The following GNG2 variants were observed in gnomAD, a reference collection of about 807,000 sequenced individuals.
GNG2 encodes the protein G protein subunit gamma 2.
Under a neutral mutation model 5.5 loss-of-function variants are expected in GNG2, and 5 were observed. The ratio of observed to expected loss-of-function variants is 0.91; its 90% confidence interval spans 0.48 to 1.92. The LOEUF is 1.92. GNG2 is among the 30% of genes most tolerant of loss of function. The pLI, the probability that GNG2 is intolerant of heterozygous loss-of-function variation, is 0.01. For missense variants in GNG2, 55 were observed against 88.4 expected (o/e 0.62, Z 1.52); for synonymous variants, 28 against 32.0 (o/e 0.88, Z 0.42).
intron 2 of GNG2, chr14:51,841,668 G>A (rs1881486979): frequency 4.7e-6 from 3 of 633,150 alleles, no homozygotes; most frequent in South Asian, 3.5e-5. Context: ...GAAAAGGGAA[G>A]GGTAGGATGG....
chr14:51,882,179 A>G (rs948996979), intron 2 of GNG2, among the ~76,000 whole-genome samples: 1 of 152,198 alleles, frequency 6.6e-6, no homozygotes, highest in African/African-American at 2.4e-5. Context: ...ATATCTTGGA[A>G]CTAGTTAGCA....
chr14:51,879,870 C>T lies in GNG2; in HGVS notation c.-30+2213C>T, dbSNP rs537853642. On this transcript the variant is annotated intron_variant, in intron 2 of 3. Coordinates refer to ENST00000556766, the MANE Select transcript of GNG2 (RefSeq NM_053064.5). ...CTGTAAGGTTATGTATTTACAGGTT[C>T]CTGGGATTAGGACTGAACATATTTG... is the stretch of plus-strand genomic sequence containing the variant. Among the ~76,000 whole-genome samples the T allele has an allele frequency of 2.7e-3, 407 of 152,284 alleles. 1 individual carries two copies. Among genetic ancestry groups the T allele is most frequent in the Non-Finnish European group, 4.1e-3 (279 of 68,018 alleles).
At chr14:51,901,453 C>A (rs1204515811) in intron 2 of GNG2, among the ~76,000 whole-genome samples, 1 of 152,030 alleles carries the variant, frequency 6.6e-6, no homozygotes, top group Non-Finnish European at 1.5e-5. Flanking sequence ...CTAGGCCTCC[C>A]AAAGTGCTGA....
intron 2 of GNG2, among the ~76,000 whole-genome samples, chr14:51,841,090 A>G (rs1389441333): frequency 1.3e-5 from 2 of 152,246 alleles, no homozygotes; most frequent in South Asian, 2.1e-4. Context: ...CAGTTTAGCA[A>G]GTAAGAAGAT....
chr14:51,940,099 C>T (rs1337474147), intron 2 of GNG2: 1 of 152,234 alleles, frequency 6.6e-6, no homozygotes, highest in Non-Finnish European at 1.5e-5. Context: ...AGTGTGAGTT[C>T]CTGGTCCTCC....
chr14:51,887,300 A>G (rs1212321285), intron 2 of GNG2, among the ~76,000 whole-genome samples: 2 of 152,186 alleles, frequency 1.3e-5, no homozygotes, highest in South Asian at 2.1e-4. Context: ...GGAAATGACT[A>G]TTATCCCAAA....
chr14:51,884,443 G>A (rs151269750), intron 2 of GNG2, among the ~76,000 whole-genome samples: 163 of 152,332 alleles, frequency 1.1e-3, no homozygotes, highest in Non-Finnish European at 7.1e-4. Context: ...CGCAGGAACT[G>A]TTTATTTTAC....
chr14:51,910,039 G>T (rs1312231113), intron 2 of GNG2, among the ~76,000 whole-genome samples: 2 of 152,210 alleles, frequency 1.3e-5, no homozygotes, highest in African/African-American at 4.8e-5. Context: ...CCAGCGTGGG[G>T]CGGAAGCTAT....
At chr14:51,942,456 A>G (rs1012806547) in intron 2 of GNG2, among the ~76,000 whole-genome samples, 47 of 152,118 alleles carry the variant, frequency 3.1e-4, no homozygotes, top group African/African-American at 1.0e-3. Flanking sequence ...CAAAAGCCTC[A>G]TAAGAGGCAG....
chr14:51,885,962 G>A (rs1225745933), intron 2 of GNG2, among the ~76,000 whole-genome samples: 1 of 152,130 alleles, frequency 6.6e-6, no homozygotes, highest in Non-Finnish European at 1.5e-5. Context: ...CACTTTTATA[G>A]CATTTTTCAC....
At chr14:51,858,576 C>T (rs1300909440), upstream of GNG2, among the ~76,000 whole-genome samples, 1 of 152,198 alleles carries the variant, frequency 6.6e-6, no homozygotes, top group African/African-American at 2.4e-5. Flanking sequence ...CAAAAAATTA[C>T]TGTACTTGAA....
intron 2 of GNG2, among the ~76,000 whole-genome samples, chr14:51,937,525 A>G (rs1356649017): frequency 1.3e-5 from 2 of 152,202 alleles, no homozygotes; most frequent in African/African-American, 4.8e-5. Context: ...TGGGTTGTCT[A>G]TAGGTGCTAG....
Position 51,854,817 on chromosome 14 carries a change from G to A in GNG2, c.64+27010G>A, listed in dbSNP as rs573535364. On this transcript the variant is annotated intron_variant, in intron 2 of 3. Transcript: ENST00000553432. Reference sequence around the variant, plus strand: ...CGTGAGCCACCGCACCCGGCCGGCCGTGGCTCTTTCTTACCTACTTCCGGC... The same window carrying A: ...CGTGAGCCACCGCACCCGGCCGGCCATGGCTCTTTCTTACCTACTTCCGGC... 2.6e-4 allele frequency among the ~76,000 whole-genome samples: 39 copies of A among 152,142 alleles called. No individual in the cohort carries two copies. In the East Asian group the frequency reaches 3.9e-3, roughly 15 times the overall value.
At chr14:51,874,190 G>T (rs992027270) in intron 1 of GNG2, 1 of 152,316 alleles carries the variant, frequency 6.6e-6, no homozygotes, top group Non-Finnish European at 1.5e-5. Context: ...ACTTTGGAAG[G>T]CTGAGGTGGG....
At chr14:51,885,960 T>G (rs926888783) in intron 2 of GNG2, among the ~76,000 whole-genome samples, 16 of 152,196 alleles carry the variant, frequency 1.1e-4, no homozygotes, top group African/African-American at 3.4e-4. Context: ...TTCACTTTTA[T>G]AGCATTTTTC....
intron 3 of GNG2, among the ~76,000 whole-genome samples, chr14:51,961,350 G>A (rs1309635631): frequency 6.6e-6 from 1 of 152,100 alleles, no homozygotes; most frequent in Non-Finnish European, 1.5e-5. Flanking sequence ...CATATTTGAT[G>A]CTCAGTAAAT....
intron 2 of GNG2, among the ~76,000 whole-genome samples, chr14:51,883,117 T>C (rs1238568650): frequency 1.3e-5 from 2 of 152,150 alleles, no homozygotes; most frequent in African/African-American, 4.8e-5. Flanking sequence ...ATACTTTTTA[T>C]TAACAGTCTC....
At chr14:51,960,071 T>C (rs1173341383) in intron 3 of GNG2, among the ~76,000 whole-genome samples, 1 of 152,148 alleles carries the variant, frequency 6.6e-6, no homozygotes, top group Non-Finnish European at 1.5e-5. Flanking sequence ...CAAATATTTT[T>C]TCTTTATCTT....
rs751448109 is a variant in GNG2, at chr14:51,931,381, AGTTTG to A, written c.-29-19262_-29-19258del. The stretch of plus-strand genomic sequence containing the variant: ...AAGAAGAGCAGGTCTGGAAAAGAAG[AGTTTG>A]GTTTGGGACATGTCAAGTGAGAGGC... On this transcript the variant is annotated intron_variant, in intron 2 of 3. Transcript: ENST00000556766. Among the ~76,000 whole-genome samples, 100 of 152,266 alleles carry A rather than the reference AGTTTG, an allele frequency of 6.6e-4. 1 individual carries two copies. The highest frequency in any genetic ancestry group is 1.2e-3 in the Non-Finnish European group (82 of 68,024).
Sources: gnomAD v4.1 joint callset for allele counts (sites outside exome capture counted in the v4.1 genomes callset) on GRCh38, gnomAD v4.1.1 for gene constraint, MANE v1.5 for transcripts, NCBI Gene and HGNC (gene_info 2026-07-23, HGNC 2026-07-21) for gene names.